The following DDHD2 variants were observed in gnomAD, a reference collection of about 807,000 sequenced individuals.
DDHD2 encodes DDHD domain containing 2, also known as triacylglycerol hydrolase DDHD2.
DDHD2 carries 62 observed loss-of-function variants against 91.2 expected under a neutral mutation model. The ratio of observed to expected loss-of-function variants is 0.68; its 90% CI spans 0.55 to 0.84. The LOEUF (loss-of-function observed/expected upper bound fraction) is 0.84. Among genes scored for constraint, DDHD2 ranks in the 40% least tolerant of loss-of-function variants. The pLI is 0.00. For synonymous variants in DDHD2, 271 were observed against 293.9 expected (o/e 0.92, Z 0.80); for missense variants, 740 against 846.9 (o/e 0.87, Z 1.57).
At chr8:38,267,251 C>G, downstream of DDHD2, 7 of 1,613,912 alleles carry the variant, frequency 4.3e-6, no homozygotes, top group Non-Finnish European at 5.9e-6. Flanking sequence ...GGGTAGAGTC[C>G]ATATGATATT....
intron 16 of DDHD2, among the ~76,000 whole-genome samples, chr8:38,257,406 G>T (rs986889875): frequency 1.3e-5 from 2 of 151,006 alleles, no homozygotes; most frequent in Non-Finnish European, 2.9e-5. Context: ...GCGCTACCAT[G>T]CCTAGCTAAT....
chr8:38,267,585 C>A (rs922353351), downstream of DDHD2: 12 of 678,450 alleles, frequency 1.8e-5, no homozygotes, highest in African/African-American at 2.0e-4. Context: ...GGGAAAAACG[C>A]CCATTCCAGC....
chr8:38,264,768 T>G, downstream of DDHD2: 6 of 1,464,212 alleles, frequency 4.1e-6, no homozygotes, highest in Non-Finnish European at 5.4e-6. Flanking sequence ...TATTCTCAAT[T>G]TTATCATAGT....
At chr8:38,268,961 C>G (rs766773305) in intron 1 of DDHD2, 1 of 1,568,038 alleles carries the variant, frequency 6.4e-7, no homozygotes, top group Non-Finnish European at 8.6e-7. Flanking sequence ...CTGGATGAGT[C>G]TCTGGAACGG....
chr8:38,253,226 C>G (rs1305129544), intron 15 of DDHD2, 99 bp downstream of exon 15: 7 of 1,215,576 alleles, frequency 5.8e-6, no homozygotes, highest in Non-Finnish European at 6.8e-6. Flanking sequence ...CATTTAATTT[C>G]ATAGTTAATA....
chr8:38,260,164 C>A lies in DDHD2; in HGVS notation c.*26+17C>A. On this transcript the variant is annotated intron_variant, in intron 17 of 17. Coordinates refer to ENST00000397166, the MANE Select transcript of DDHD2 (RefSeq NM_015214.3). ...CTGCTTAATGTAAGTTTTAAAATGTCATATATATAGTGTAATTCTTACATA... is the reference window on the plus strand; with the variant it reads ...CTGCTTAATGTAAGTTTTAAAATGTAATATATATAGTGTAATTCTTACATA... 1 of 1,309,266 alleles carries A rather than the reference C, an allele frequency of 7.6e-7. No individual in the cohort carries two copies. Among genetic ancestry groups the A allele is most frequent in the South Asian group, 1.2e-5 (1 of 84,310 alleles). The allele number at this position is 1,309,266 out of a possible 1,614,324, so 81.1% of individuals were successfully genotyped here.
chr8:38,249,300 G>C (rs549040617), intron 10 of DDHD2, among the ~76,000 whole-genome samples: 175 of 151,786 alleles, frequency 1.2e-3, no homozygotes, highest in African/African-American at 3.9e-3. Context: ...ATTTTTAGTA[G>C]AGACGGGGTT....
intron 3 of DDHD2, among the ~76,000 whole-genome samples, chr8:38,235,870 C>T (rs534615893): frequency 5.4e-5 from 5 of 92,588 alleles, no homozygotes; most frequent in Middle Eastern, 4.3e-3. Flanking sequence ...AAAAAGTACA[C>T]GCGCACACAC....
chr8:38,267,430 C>T, downstream of DDHD2: 6 of 1,600,840 alleles, frequency 3.7e-6, no homozygotes, highest in Non-Finnish European at 4.3e-6. Context: ...AAATCATTAA[C>T]TCCAGAAATT....
chr8:38,253,474 C>G, intron 15 of DDHD2, 82 bp from the exon 16 acceptor site: 1 of 1,237,636 alleles, frequency 8.1e-7, no homozygotes, highest in Non-Finnish European at 1.1e-6. Flanking sequence ...CTCTGGTAAA[C>G]TTGGAGTGTG....
At chr8:38,243,689 G>A (rs997104790) in intron 7 of DDHD2, among the ~76,000 whole-genome samples, 5 of 151,488 alleles carry the variant, frequency 3.3e-5, no homozygotes, top group Admixed American at 3.3e-4. Flanking sequence ...GTGCAGTGGT[G>A]TGATCACAGC....
intron 16 of DDHD2, among the ~76,000 whole-genome samples, chr8:38,257,583 C>T (rs191727814): frequency 1.3e-5 from 2 of 150,158 alleles, no homozygotes; most frequent in East Asian, 4.0e-4. Context: ...AATGTGTTGT[C>T]ATTTGCTTTT....
chr8:38,264,653 C>T, downstream of DDHD2: 1 of 1,523,410 alleles, frequency 6.6e-7, no homozygotes, highest in Non-Finnish European at 8.8e-7. Context: ...GCTCCTAAAT[C>T]CTATTACATA....
chr8:38,240,359 A>G lies in DDHD2; in HGVS notation c.707A>G (p.Gln236Arg), dbSNP rs750032971. The G allele has an allele frequency of 1.1e-5, 18 of 1,602,598 alleles. No individual in the cohort carries two copies. Among genetic ancestry groups the G allele is most frequent in the Non-Finnish European group, 1.4e-5 (16 of 1,171,442 alleles). The change falls in exon 6 of 18, where the codon CAG becomes CGG. Residue 236 changes from glutamine to arginine, a missense_variant. Physicochemically the swap from Gln to Arg is conservative, Grantham distance 43 (BLOSUM62 1). Transcript: ENST00000397166. Reference protein sequence around the residue: ...ACDLRFRSIVQCVNDFRSVSL... With the variant: ...ACDLRFRSIVRCVNDFRSVSL... The stretch of plus-strand genomic sequence containing the variant: ...GATCTCCGCTTTCGAAGCATTGTAC[A>G]GTGTGGTAGGTTTGCAAAGCATGTG...
At position 38,251,913 on chromosome 8, in the gene DDHD2, G is replaced by T. The variant is rs574330866; in HGVS notation, c.1346G>T (p.Gly449Val). ...ACATAACTATTTTTTATTCTTTAGGGTATTAAGAGACCAGCCCCGCAGCCT... is the reference window on the plus strand; with the variant it reads ...ACATAACTATTTTTTATTCTTTAGGTTATTAAGAGACCAGCCCCGCAGCCT... ...NYFSTRKNSM[G>V]IKRPAPQPAS... Residue 449 changes from glycine (G) to valine (V), a missense_variant and splice_region_variant, in exon 12 of 18, where the codon GGT becomes GTT. Gly to Val is a moderately radical substitution (Grantham distance 109). Around this residue, in one of 2 missense-constraint regions of DDHD2, gnomAD observed 693 missense variants for 764.2 expected, o/e 0.91. Transcript: ENST00000397166. The T allele has an allele frequency of 4.3e-6, 7 of 1,611,180 alleles. No homozygotes were observed. The highest frequency in any genetic ancestry group is 3.3e-5 in the Admixed American group (2 of 59,996).
At chr8:38,257,662 ATTTTT>A (rs35509320) in intron 16 of DDHD2, among the ~76,000 whole-genome samples, 1 of 109,382 alleles carries the variant, frequency 9.1e-6, no homozygotes, top group East Asian at 2.8e-4. Flanking sequence ...TTACCACAGT[ATTTTT>A]TTTTTTTTTT....
downstream of DDHD2, chr8:38,264,894 GTAAC>G: frequency 1.2e-6 from 2 of 1,612,568 alleles, no homozygotes; most frequent in Non-Finnish European, 1.7e-6. Flanking sequence ...ACTCAGAAGA[GTAAC>G]AAAGGTCCAC....
Position 38,233,229 on chromosome 8 carries a change from T to G in DDHD2, c.220+15T>G. Reference sequence around the variant, plus strand: ...ATATAGCTCTGGTAGGTGAAAATTATGACTTGGAATAGACAAAGACTCTCC... The same window carrying G: ...ATATAGCTCTGGTAGGTGAAAATTAGGACTTGGAATAGACAAAGACTCTCC... On this transcript the variant is annotated intron_variant, in intron 2 of 17. Transcript: ENST00000397166. 1.3e-6 allele frequency: 2 copies of G among 1,593,140 alleles called. No homozygotes were observed. Among genetic ancestry groups the G allele is most frequent in the South Asian group, 1.1e-5 (1 of 90,418 alleles).
intron 2 of DDHD2, 44 bp downstream of exon 2, chr8:38,233,258 C>T: frequency 6.8e-7 from 1 of 1,473,438 alleles, no homozygotes; most frequent in African/African-American, 1.4e-5. Flanking sequence ...ACTCTCCCCT[C>T]TTCAAACTAT....
Sources: allele counts gnomAD v4.1 joint callset (sites outside exome capture counted in the v4.1 genomes callset), GRCh38; gene constraint gnomAD v4.1.1; regional missense constraint gnomAD v4.1.1; transcripts MANE v1.5; gene names NCBI Gene and HGNC (gene_info 2026-07-23, HGNC 2026-07-21).